CLIP1: variants seen among roughly 807,000 people sequenced by gnomAD.
The protein encoded by CLIP1 is CAP-Gly domain containing linker protein 1, also known as CAP-Gly domain-containing linker protein 1.
In CLIP1, 66 loss-of-function variants were observed where a neutral mutation model predicts 161.6. The observed-to-expected ratio is 0.41, with a 90% CI of 0.33 to 0.50. The LOEUF is 0.50. Among genes scored for constraint, CLIP1 ranks in the 20% least tolerant of loss-of-function variants. CLIP1 has a pLI of 0.27. For synonymous variants in CLIP1, 598 were observed against 626.2 expected (o/e 0.96, Z 0.67); for missense variants, 1,376 against 1,702.0 (o/e 0.81, Z 3.37).
At position 122,354,519 on chromosome 12, in the gene CLIP1, C is replaced by T; in HGVS notation, c.1241G>A (p.Arg414Gln). Residue 414 changes from arginine to glutamine, a missense_variant, in exon 7 of 26, where the codon CGA becomes CAA. This residue lies in a region of CLIP1 where 211 missense variants were observed against 295.1 expected (regional missense o/e 0.72). Coordinates refer to ENST00000620786, the MANE Select transcript of CLIP1 (RefSeq NM_001247997.2). Reference protein sequence around the residue: ...LELEAKMDQLRTMVEAADREK... With the variant: ...LELEAKMDQLQTMVEAADREK... ...CCTGTCAGCAGCTTCCACCATTGTT[C>T]GCAGCTGGTCCATTTTGGCTTCCAA... 1.2e-6 allele frequency: 2 copies of T among 1,613,902 alleles called. No individual in the cohort carries two copies. The highest frequency in any genetic ancestry group is 1.7e-6 in the Non-Finnish European group (2 of 1,179,908).
chr12:122,417,228 G>A (rs574443836), intron 1 of CLIP1, among the ~76,000 whole-genome samples: 4 of 151,610 alleles, frequency 2.6e-5, no homozygotes, highest in Admixed American at 1.3e-4. Context: ...CCTGGGAGAC[G>A]GAGGTTGCAG....
intron 21 of CLIP1, among the ~76,000 whole-genome samples, chr12:122,284,642 G>A (rs1413389088): frequency 2.0e-5 from 3 of 152,124 alleles, no homozygotes; most frequent in Non-Finnish European, 4.4e-5. Flanking sequence ...ATGAGCCACT[G>A]CACCTGGTCA....
At chr12:122,386,697 T>C (rs907296258) in intron 1 of CLIP1, among the ~76,000 whole-genome samples, 1 of 152,080 alleles carries the variant, frequency 6.6e-6, no homozygotes, top group Non-Finnish European at 1.5e-5. Context: ...GAGTAAACGA[T>C]TTTTTTAAAA....
At chr12:122,360,762 C>G (rs971882648) in intron 5 of CLIP1, 197 bp downstream of exon 5, 2 of 541,058 alleles carry the variant, frequency 3.7e-6, no homozygotes, top group Non-Finnish European at 6.5e-6. Flanking sequence ...ATTAAAAGCA[C>G]TTTCTGATTT....
Position 122,311,172 on chromosome 12 carries a change from A to C in CLIP1, c.3474-1290T>G, listed in dbSNP as rs1386674004. 6.6e-6 allele frequency among the ~76,000 whole-genome samples: 1 copy of C among 152,118 alleles called. No homozygotes were observed. The highest frequency in any genetic ancestry group is 1.5e-5 in the Non-Finnish European group (1 of 68,020). ...AAAGTTCATCTGTCCAAAGTCCATCAATCTTTGACAAATCAAATTTCCTTA... is the reference window on the plus strand; with the variant it reads ...AAAGTTCATCTGTCCAAAGTCCATCCATCTTTGACAAATCAAATTTCCTTA... On this transcript the variant is annotated intron_variant, in intron 19 of 25. Transcript: ENST00000620786. This position sits in a 1 kb window ranked among gnomAD's most constrained non-coding sequence, Gnocchi z 4.3.
chr12:122,279,756 A>C lies in CLIP1; in HGVS notation c.3648-611T>G, dbSNP rs970321051. 6.6e-6 allele frequency: 1 copy of C among 152,238 alleles called. No individual in the cohort carries two copies. The highest frequency in any genetic ancestry group is 2.4e-5 in the African/African-American group (1 of 41,450). 9.4% of individuals were successfully genotyped at this position (152,238 alleles called of 1,614,324 possible). ...AGCCATAGACTCTGAAGAGGACATTAAATTAGCTCATAGAAATTAATGGTA... is the reference window on the plus strand; with the variant it reads ...AGCCATAGACTCTGAAGAGGACATTCAATTAGCTCATAGAAATTAATGGTA... On this transcript the variant is annotated intron_variant, in intron 21 of 25. Coordinates refer to ENST00000620786, the MANE Select transcript of CLIP1 (RefSeq NM_001247997.2). This position sits in a 1 kb window ranked among gnomAD's most constrained non-coding sequence, Gnocchi z 4.5.
In CLIP1 at chr12:122,332,182, C is replaced by T. The variant is rs992234272; in HGVS notation, c.2867+805G>A. 8.6e-5 allele frequency among the ~76,000 whole-genome samples: 13 copies of T among 151,440 alleles called. No homozygotes were observed. In the South Asian group the frequency reaches 2.3e-3, roughly 27 times the overall value. The stretch of plus-strand genomic sequence containing the variant: ...TGGTGGTGCAAGCCTGTAATCTCAG[C>T]TACTCGGGAGGCTGAAGCAGGAGAA... On this transcript the variant is annotated intron_variant, in intron 15 of 25. Transcript: ENST00000620786.
At chr12:122,325,743 TC>T (rs1185784254) in intron 17 of CLIP1, among the ~76,000 whole-genome samples, 1 of 152,190 alleles carries the variant, frequency 6.6e-6, no homozygotes. Context: ...AGCCTCCGCC[TC>T]CCAGGCTCAA....
At chr12:122,277,942 G>C (rs1168168813) in intron 24 of CLIP1, 1 of 568,024 alleles carries the variant, frequency 1.8e-6, no homozygotes, top group East Asian at 2.9e-5. Context: ...TGTTTGCAGG[G>C]TTGGGAACTG....
chr12:122,292,474 C>T (rs988848570), intron 20 of CLIP1, among the ~76,000 whole-genome samples: 7 of 152,114 alleles, frequency 4.6e-5, no homozygotes, highest in Non-Finnish European at 8.8e-5. Context: ...ATTCTTTGAG[C>T]GCTTCCTTGC....
At chr12:122,339,276 A>G (rs1952381525) in intron 11 of CLIP1, among the ~76,000 whole-genome samples, 1 of 152,218 alleles carries the variant, frequency 6.6e-6, no homozygotes, top group African/African-American at 2.4e-5. Context: ...GATTTCTGCC[A>G]TGCAAAGGGC....
In CLIP1 at chr12:122,388,627, G is replaced by T. The variant is rs776754386; in HGVS notation, c.-106-8069C>A. Reference sequence around the variant, plus strand: ...TTTATCACCCAGATTAGAGTGCAGTGACACAATGGTAGCTCACCGCACCCT... The same window carrying T: ...TTTATCACCCAGATTAGAGTGCAGTTACACAATGGTAGCTCACCGCACCCT... On this transcript the variant is annotated intron_variant, in intron 1 of 25. Transcript: ENST00000620786. Among the ~76,000 whole-genome samples, 7 of 152,136 alleles carry T rather than the reference G, an allele frequency of 4.6e-5. No homozygotes were observed. In the South Asian group the frequency reaches 1.5e-3, roughly 32 times the overall value.
chr12:122,326,016 G>A (rs556173012), intron 17 of CLIP1, among the ~76,000 whole-genome samples: 1 of 152,320 alleles, frequency 6.6e-6, no homozygotes, highest in African/African-American at 2.4e-5. Context: ...CACAGCTATA[G>A]CCCACTGGCT....
intron 1 of CLIP1, among the ~76,000 whole-genome samples, chr12:122,386,840 AGAG>A (rs1234224170): frequency 2.1e-4 from 27 of 131,466 alleles, no homozygotes; most frequent in Admixed American, 2.0e-3. Context: ...AAAAAAAAAA[AGAG>A]AGAGAGATTC....
chr12:122,366,789 CA>C (rs918363345), intron 3 of CLIP1, among the ~76,000 whole-genome samples: 3 of 152,126 alleles, frequency 2.0e-5, no homozygotes, highest in Non-Finnish European at 4.4e-5. Flanking sequence ...TGCAGTGAGC[CA>C]AGACTGTGCC....
chr12:122,285,235 T>C (rs1052829589), intron 21 of CLIP1, among the ~76,000 whole-genome samples: 91 of 151,808 alleles, frequency 6.0e-4, no homozygotes, highest in Non-Finnish European at 1.1e-3. Flanking sequence ...GTCCTTTTTT[T>C]TTTTTTTTTT....
chr12:122,288,278 C>A (rs1341916332), intron 21 of CLIP1, among the ~76,000 whole-genome samples: 1 of 152,090 alleles, frequency 6.6e-6, no homozygotes, highest in Non-Finnish European at 1.5e-5. Flanking sequence ...CCAGCCTTGG[C>A]CTCCCAAAGT....
chr12:122,329,784 T>C (rs1049916459), intron 15 of CLIP1, among the ~76,000 whole-genome samples: 1 of 152,102 alleles, frequency 6.6e-6, no homozygotes, highest in Non-Finnish European at 1.5e-5. Context: ...CTTGAAGTTC[T>C]ACTTTAAAGA....
chr12:122,374,424 T>A (rs1357999494), intron 3 of CLIP1, among the ~76,000 whole-genome samples: 1 of 143,864 alleles, frequency 7.0e-6, no homozygotes, highest in Non-Finnish European at 1.5e-5. Flanking sequence ...ATCGAGACCA[T>A]CCTGGCTAAC....
Sources: allele counts gnomAD v4.1 joint callset (sites outside exome capture counted in the v4.1 genomes callset), GRCh38; gene constraint gnomAD v4.1.1; regional missense constraint gnomAD v4.1.1; non-coding constraint Gnocchi (gnomAD v3.1); transcripts MANE v1.5; gene names NCBI Gene and HGNC (gene_info 2026-07-23, HGNC 2026-07-21).